The following NAALADL2 variants were observed in gnomAD, a reference collection of about 807,000 sequenced individuals.
The protein encoded by NAALADL2 is N-acetylated alpha-linked acidic dipeptidase like 2.
A neutral mutation model predicts 87.2 loss-of-function variants in NAALADL2; 76 were observed. The ratio of observed to expected loss-of-function variants is 0.87; its 90% CI spans 0.72 to 1.05. The LOEUF (loss-of-function observed/expected upper bound fraction) is 1.05. NAALADL2 is among the 50% of genes least tolerant of loss of function. NAALADL2 has a pLI of 0.00. For synonymous variants in NAALADL2, 354 were observed against 331.0 expected (o/e 1.07, Z -0.75); for missense variants, 1,089 against 945.8 (o/e 1.15, Z -1.99).
chr3:175,270,007 A>G (rs901404616), intron 4 of NAALADL2, among the ~76,000 whole-genome samples: 1 of 152,184 alleles, frequency 6.6e-6, no homozygotes, highest in African/African-American at 2.4e-5. Context: ...ATCATACTAT[A>G]TTTTTCATTT....
At chr3:175,668,479 C>A (rs1733511380) in intron 11 of NAALADL2, among the ~76,000 whole-genome samples, 1 of 152,004 alleles carries the variant, frequency 6.6e-6, no homozygotes, top group East Asian at 1.9e-4. Flanking sequence ...TGAAGCTACA[C>A]TACACACGAA....
At chr3:174,801,949 G>A (rs1481373558) in intron 3 of NAALADL2, among the ~76,000 whole-genome samples, 1 of 151,820 alleles carries the variant, frequency 6.6e-6, no homozygotes, top group South Asian at 2.1e-4. Context: ...GCTAAAATTG[G>A]TTCTGTAAAC....
At chr3:174,998,042 CT>C (rs1747756473) in intron 1 of NAALADL2, among the ~76,000 whole-genome samples, 1 of 152,112 alleles carries the variant, frequency 6.6e-6, no homozygotes, top group Non-Finnish European at 1.5e-5. Context: ...TATCCTGACA[CT>C]TCTTTTATTG....
chr3:175,377,616 G>T (rs567661161), intron 5 of NAALADL2, among the ~76,000 whole-genome samples: 1 of 152,276 alleles, frequency 6.6e-6, no homozygotes, highest in South Asian at 2.1e-4. Flanking sequence ...AAAAACCTGT[G>T]ACCATGGCCC....
At chr3:174,609,385 C>T (rs1192083150) in intron 2 of NAALADL2, among the ~76,000 whole-genome samples, 5 of 151,916 alleles carry the variant, frequency 3.3e-5, no homozygotes, top group Non-Finnish European at 5.9e-5. Context: ...TCCCTGTTTG[C>T]AGACAACATG....
chr3:174,973,513 G>T (rs1177287115), intron 1 of NAALADL2, among the ~76,000 whole-genome samples: 1 of 152,090 alleles, frequency 6.6e-6, no homozygotes, highest in East Asian at 1.9e-4. Flanking sequence ...ATATCTAGAT[G>T]TTGAAAGTTT....
At chr3:174,468,384 C>T (rs374465343) in intron 1 of NAALADL2, among the ~76,000 whole-genome samples, 28 of 132,706 alleles carry the variant, frequency 2.1e-4, no homozygotes, top group African/African-American at 4.2e-4. Flanking sequence ...CTTTCTTTTT[C>T]TTTTTTTTTT....
chr3:174,748,326 A>ATTT (rs139625065), intron 3 of NAALADL2, among the ~76,000 whole-genome samples: 4 of 136,778 alleles, frequency 2.9e-5, no homozygotes, highest in East Asian at 2.1e-4. Flanking sequence ...AATAAATTAC[A>ATTT]TTTTTTTTTT....
At chr3:175,035,522 A>G (rs1264704779) in intron 1 of NAALADL2, among the ~76,000 whole-genome samples, 2 of 152,100 alleles carry the variant, frequency 1.3e-5, no homozygotes, top group African/African-American at 4.8e-5. Flanking sequence ...GAGGGGCACA[A>G]TACTCTCAAG....
intron 3 of NAALADL2, among the ~76,000 whole-genome samples, chr3:174,826,397 T>G (rs1435578731): frequency 6.6e-6 from 1 of 152,214 alleles, no homozygotes; most frequent in Non-Finnish European, 1.5e-5. Context: ...ATGTGTATCA[T>G]CTGTAAAATG....
chr3:174,631,216 C>G (rs1045942745), intron 2 of NAALADL2, among the ~76,000 whole-genome samples: 1 of 152,102 alleles, frequency 6.6e-6, no homozygotes, highest in African/African-American at 2.4e-5. Flanking sequence ...CAAAACAGTT[C>G]AGGCAATCTT....
At chr3:174,872,997 A>C (rs775498177) in intron 1 of NAALADL2, among the ~76,000 whole-genome samples, 1 of 152,134 alleles carries the variant, frequency 6.6e-6, no homozygotes, top group Non-Finnish European at 1.5e-5. Flanking sequence ...CACAGTGAGA[A>C]CTAATGAATA....
intron 1 of NAALADL2, among the ~76,000 whole-genome samples, chr3:174,509,717 A>C (rs1267381793): frequency 6.6e-6 from 1 of 150,974 alleles, no homozygotes; most frequent in Non-Finnish European, 1.5e-5. Flanking sequence ...TGAGCCACCG[A>C]GCACAGCTGT....
At chr3:174,607,983 A>G (rs1215079492) in intron 2 of NAALADL2, among the ~76,000 whole-genome samples, 1 of 152,230 alleles carries the variant, frequency 6.6e-6, no homozygotes, top group African/African-American at 2.4e-5. Context: ...ACCACAGTGC[A>G]ATCAAACTAG....
intron 5 of NAALADL2, among the ~76,000 whole-genome samples, chr3:175,397,628 A>G (rs1445318402): frequency 6.6e-6 from 1 of 152,182 alleles, no homozygotes; most frequent in Non-Finnish European, 1.5e-5. Flanking sequence ...TCTAACAGCA[A>G]CATTAAAACA....
At chr3:174,985,083 T>C (rs1745673872) in intron 1 of NAALADL2, among the ~76,000 whole-genome samples, 1 of 152,184 alleles carries the variant, frequency 6.6e-6, no homozygotes, top group Non-Finnish European at 1.5e-5. Flanking sequence ...CATACTTCCA[T>C]ACAGATGTGT....
chr3:174,617,130 T>C (rs549297924), intron 2 of NAALADL2, among the ~76,000 whole-genome samples: 6 of 151,808 alleles, frequency 4.0e-5, no homozygotes, highest in Non-Finnish European at 8.9e-5. Flanking sequence ...TGCTTTAAGG[T>C]ACTAAATCTA....
rs10575227 is a variant in NAALADL2 at position 174,544,567 on chromosome 3, C to CT, written c.-183-5984dup. ...TCTTTGTTTCCTTTTTTTTTGTTTT[C>CT]TTTTTTTTTTTTTTTTTTGAGACAG... On this transcript the variant is annotated intron_variant, in intron 1 of 3. Transcript: ENST00000434257. 8.6e-3 allele frequency among the ~76,000 whole-genome samples: 987 copies of CT among 115,126 alleles called. 9 individuals are homozygous for CT. The highest frequency in any genetic ancestry group is 0.014 in the East Asian group (53 of 3,742). 75.5% of individuals were successfully genotyped at this position (115,126 alleles called of 152,430 possible).
At chr3:175,631,431 C>A (rs1395563558) in intron 11 of NAALADL2, among the ~76,000 whole-genome samples, 1 of 149,606 alleles carries the variant, frequency 6.7e-6, no homozygotes, top group Non-Finnish European at 1.5e-5. Context: ...AAGTAGCTTT[C>A]CACTGTTTCC....
Sources: allele counts gnomAD v4.1 joint callset (sites outside exome capture counted in the v4.1 genomes callset), GRCh38; gene constraint gnomAD v4.1.1; transcripts MANE v1.5; gene names NCBI Gene and HGNC (gene_info 2026-07-23, HGNC 2026-07-21).